Variants in MACF1 observed in about 807,000 individuals in gnomAD.
The protein encoded by MACF1 is microtubule actin crosslinking factor 1.
A neutral mutation model predicts 854.8 loss-of-function variants in MACF1; 193 were observed. That is an observed-to-expected ratio of 0.23 (90% confidence interval 0.20 to 0.25). The LOEUF is 0.25. Among genes scored for constraint, MACF1 ranks in the 10% least tolerant of loss-of-function variants. The probability of loss-of-function intolerance (pLI) is 1.00; values close to 1 mark genes in which losing one functional copy is unlikely to be tolerated. For missense variants in MACF1, 7,722 were observed against 8,929.1 expected, an observed-to-expected ratio of 0.86 and a Z score of 5.45; for synonymous variants, 3,185 against 3,226.7, an observed-to-expected ratio of 0.99 and a Z score of 0.44.
intron 68 of MACF1, among the ~76,000 whole-genome samples, chr1:39,434,122 T>G (rs2148655523): frequency 6.6e-6 from 1 of 152,234 alleles, no homozygotes; most frequent in South Asian, 2.1e-4. Flanking sequence ...TAAGGTTGTG[T>G]ATCATTACTG....
At chr1:39,310,570 C>T in intron 25 of MACF1, 142 bp downstream of exon 25, 4 of 936,622 alleles carry the variant, frequency 4.3e-6, no homozygotes, top group East Asian at 5.3e-5. Context: ...TAGAGAAGAA[C>T]TTATAGATGA....
Position 39,485,954 on chromosome 1 carries a change from T to A in MACF1, c.*160T>A. On this transcript the variant is annotated 3_prime_UTR_variant, in exon 101 of 101. Coordinates refer to ENST00000564288, the MANE Select transcript of MACF1 (RefSeq NM_001394062.1). ...TTTTTTCTTTTTGTAAGTTACTATT[T>A]TCATGTGAATATTTATGTAGATAAA... 1 of 761,228 alleles carries A rather than the reference T, an allele frequency of 1.3e-6. No homozygotes were observed. Among genetic ancestry groups the A allele is most frequent in the Non-Finnish European group, 1.8e-6 (1 of 546,178 alleles). The allele number at this position is 761,228 out of a possible 1,614,324, so 47.2% of individuals were successfully genotyped here.
rs766227021 is a variant in MACF1, at chr1:39,333,432, G to A, written c.6844G>A (p.Glu2282Lys). ...CAGTCATCCATTAGAATTGCTTGAA[G>A]AAGCTACCTTAAATGTATTATCTGC... The part of the protein sequence containing the change: ...SCSHPLELLE[E>K]ATLNVLSAQL... The change falls in exon 37 of 101, where the codon GAA becomes AAA. Residue 2282 changes from glutamate (E) to lysine (K), a missense_variant. Around this residue, in one of 15 missense-constraint regions of MACF1, gnomAD observed 1,531 missense variants for 1,601.6 expected, o/e 0.96. Coordinates refer to ENST00000564288, the MANE Select transcript of MACF1 (RefSeq NM_001394062.1). 1 of 1,614,186 alleles carries A rather than the reference G, an allele frequency of 6.2e-7. No individual in the cohort carries two copies. Among genetic ancestry groups the A allele is most frequent in the South Asian group, 1.1e-5 (1 of 91,078 alleles).
chr1:39,411,890 C>T (rs375732467), intron 58 of MACF1: 15 of 1,613,724 alleles, frequency 9.3e-6, no homozygotes, highest in African/African-American at 8.0e-5. Flanking sequence ...TATTTTAATA[C>T]CCTGGATTCT....
chr1:39,442,770 T>C lies in MACF1; in HGVS notation c.19161T>C (p.Ala6387=), dbSNP rs1394314665. The change falls in exon 78 of 101, where the codon GCT becomes GCC. Residue 6387 remains alanine, a synonymous_variant. Transcript: ENST00000564288. The part of the protein sequence containing the change: ...HQATVETVNK[A]GNELLESSAG... ...CCACAGTGGAAACAGTCAACAAAGC[T>C]GGCAATGAGCTTCTTGAATCCAGTG... 1 of 1,614,014 alleles carries C rather than the reference T, an allele frequency of 6.2e-7. No individual in the cohort carries two copies. Among genetic ancestry groups the C allele is most frequent in the Non-Finnish European group, 8.5e-7 (1 of 1,180,024 alleles).
rs1647128723 is a variant in MACF1, at chr1:39,349,405, A to G, written c.10816-73A>G. 1.2e-5 allele frequency: 17 copies of G among 1,468,434 alleles called. No individual in the cohort carries two copies. The East Asian group carries it at 3.9e-4, about 34-fold the overall frequency. The allele number at this position is 1,468,434 out of a possible 1,614,324, so 91.0% of individuals were successfully genotyped here. ...TTGAGATATAACCTTCCTGTTTTAC[A>G]TTTCAGGGAGTTTCTTGTATTTGCA... On this transcript the variant is annotated intron_variant, in intron 41 of 100. Coordinates refer to ENST00000564288, the MANE Select transcript of MACF1 (RefSeq NM_001394062.1).
chr1:39,320,474 C>CA (rs1255120304), intron 31 of MACF1, among the ~76,000 whole-genome samples: 2 of 152,268 alleles, frequency 1.3e-5, no homozygotes, highest in East Asian at 1.9e-4. Context: ...AAATATGTTC[C>CA]AATTTGAAAG....
chr1:39,175,422 A>C (rs1644010073), intron 2 of MACF1, among the ~76,000 whole-genome samples: 1 of 152,216 alleles, frequency 6.6e-6, no homozygotes. Flanking sequence ...GAAGAGGCAC[A>C]CCGGACTTAG....
intron 42 of MACF1, among the ~76,000 whole-genome samples, chr1:39,350,413 G>A (rs1029049525): frequency 6.6e-6 from 1 of 152,258 alleles, no homozygotes; most frequent in African/African-American, 2.4e-5. Context: ...ACTGGACCCC[G>A]CAGGCCACAT....
In MACF1 at chr1:39,452,646, CAG is replaced by C. The variant is rs756813948; in HGVS notation, c.20614-31_20614-30del. The C allele has an allele frequency of 5.0e-6, 8 of 1,611,082 alleles. No individual in the cohort carries two copies. The East Asian group carries it at 1.1e-4, about 22-fold the overall frequency. ...GTCCCAGTATCTAGGTCCTTGGCTG[CAG>C]AGAGAGGTTGAATCTTTTGTGCTTG... On this transcript the variant is annotated intron_variant, in intron 86 of 100. Transcript: ENST00000564288.
chr1:39,389,057 G>A (rs1406560037), intron 58 of MACF1, among the ~76,000 whole-genome samples: 2 of 151,150 alleles, frequency 1.3e-5, no homozygotes, highest in African/African-American at 4.8e-5. Flanking sequence ...TGTATTTTTT[G>A]TAGAGACGAG....
At chr1:39,226,914 T>C (rs956037941) in intron 1 of MACF1, among the ~76,000 whole-genome samples, 1 of 152,206 alleles carries the variant, frequency 6.6e-6, no homozygotes, top group Non-Finnish European at 1.5e-5. Flanking sequence ...TCAGACTGTT[T>C]TTGGCTATGA....
At chr1:39,140,611 T>C (rs1170731834) in intron 2 of MACF1, among the ~76,000 whole-genome samples, 1 of 152,202 alleles carries the variant, frequency 6.6e-6, no homozygotes, top group Non-Finnish European at 1.5e-5. Flanking sequence ...TAAGAGCTTA[T>C]AGGGCACTTA....
rs1932507 is a variant in MACF1 at position 39,231,046 on chromosome 1, C to A, written c.110-136C>A. The A allele has an allele frequency of 0.034, 24,088 of 718,232 alleles. 623 individuals are homozygous for A. The highest frequency in any genetic ancestry group is 0.094 in the African/African-American group (5,388 of 57,126). 44.5% of individuals were successfully genotyped at this position (718,232 alleles called of 1,614,324 possible). On this transcript the variant is annotated intron_variant, in intron 1 of 100. Transcript: ENST00000564288. ...AGGAAGTTCAGCTAGGCCAAACCTT[C>A]CTAAGAAGAAGTCACTGTCCCACAG...
intron 2 of MACF1, among the ~76,000 whole-genome samples, chr1:39,167,081 C>T (rs1160628144): frequency 6.6e-6 from 1 of 152,006 alleles, no homozygotes; most frequent in East Asian, 2.0e-4. Flanking sequence ...CCTGCCTCAG[C>T]CTCCCGAGTA....
intron 23 of MACF1, among the ~76,000 whole-genome samples, chr1:39,307,118 G>T (rs150687519): frequency 0.025 from 3,866 of 151,832 alleles, 86 homozygotes; most frequent in Middle Eastern, 0.079. Context: ...CAAGTAGTCT[G>T]CCCGCCTCGG....
chr1:39,318,366 A>G, intron 29 of MACF1, 87 bp from the exon 30 acceptor site: 2 of 1,227,212 alleles, frequency 1.6e-6, no homozygotes, highest in Non-Finnish European at 1.2e-6. Context: ...GCCCAGCTGG[A>G]TACATGGGTT....
At chr1:39,317,135 G>C in intron 28 of MACF1, 79 bp from the exon 29 acceptor site, 2 of 1,386,910 alleles carry the variant, frequency 1.4e-6, no homozygotes, top group Non-Finnish European at 2.0e-6. Context: ...TGTAGACCGT[G>C]TCCTTGTTTC....
chr1:39,346,017 C>T (rs1009738567), intron 40 of MACF1, among the ~76,000 whole-genome samples: 1 of 149,146 alleles, frequency 6.7e-6, no homozygotes, highest in Admixed American at 6.7e-5. Flanking sequence ...TGCAATGAGC[C>T]GAGATTGTAC....
Sources: gnomAD v4.1 joint callset for allele counts (sites outside exome capture counted in the v4.1 genomes callset) on GRCh38, gnomAD v4.1.1 for gene constraint, gnomAD v4.1.1 regional missense constraint, MANE v1.5 for transcripts, NCBI Gene and HGNC (gene_info 2026-07-23, HGNC 2026-07-21) for gene names.